Variants in PIP4K2A observed in about 807,000 individuals in gnomAD.
The protein encoded by PIP4K2A is phosphatidylinositol-5-phosphate 4-kinase type 2 alpha, also known as phosphatidylinositol 5-phosphate 4-kinase type-2 alpha.
PIP4K2A carries 14 observed loss-of-function variants against 42.9 expected under a neutral mutation model. The ratio of observed to expected loss-of-function variants is 0.33; its 90% CI spans 0.22 to 0.51. The LOEUF (loss-of-function observed/expected upper bound fraction) is 0.51, where lower values mean the gene tolerates loss of function less well. Ranked by LOEUF, PIP4K2A falls within the 20% of genes least tolerant of loss-of-function variation. The pLI is 0.97. For synonymous variants in PIP4K2A, 192 were observed against 192.2 expected (o/e 1.00, Z 0.01); for missense variants, 434 against 519.8 (o/e 0.83, Z 1.61).
At chr10:22,612,597 G>A (rs905461932) in intron 1 of PIP4K2A, among the ~76,000 whole-genome samples, 3 of 152,178 alleles carry the variant, frequency 2.0e-5, no homozygotes, top group Admixed American at 6.5e-5. Flanking sequence ...AGCAGAGGGC[G>A]GAGGCGGCAG....
At chr10:22,544,329 G>C (rs1259382328) in intron 7 of PIP4K2A, among the ~76,000 whole-genome samples, 1 of 152,016 alleles carries the variant, frequency 6.6e-6, no homozygotes, top group Non-Finnish European at 1.5e-5. Context: ...GGTGGGGGTG[G>C]GGGTGCTTAT....
intron 1 of PIP4K2A, among the ~76,000 whole-genome samples, chr10:22,641,389 T>C (rs1213844465): frequency 6.6e-6 from 1 of 152,218 alleles, no homozygotes; most frequent in Non-Finnish European, 1.5e-5. Flanking sequence ...GAGTGAATTT[T>C]TGTTCTGTTA....
chr10:22,544,917 G>A (rs1836224845), intron 7 of PIP4K2A, among the ~76,000 whole-genome samples: 1 of 152,212 alleles, frequency 6.6e-6, no homozygotes, highest in African/African-American at 2.4e-5. Flanking sequence ...CAGCCCCAGA[G>A]TCTGGGTGTT....
chr10:22,671,622 G>C (rs1350009620), intron 1 of PIP4K2A, among the ~76,000 whole-genome samples: 1 of 151,942 alleles, frequency 6.6e-6, no homozygotes, highest in East Asian at 1.9e-4. Flanking sequence ...GAGGCAAAGG[G>C]GTACAACCAG....
chr10:22,655,713 A>G (rs1357233637), intron 1 of PIP4K2A, among the ~76,000 whole-genome samples: 1 of 152,204 alleles, frequency 6.6e-6, no homozygotes, highest in Non-Finnish European at 1.5e-5. Context: ...AAATGTAAAC[A>G]TGACTGGATG....
intron 1 of PIP4K2A, among the ~76,000 whole-genome samples, chr10:22,643,762 C>G (rs1363578052): frequency 6.6e-6 from 1 of 152,116 alleles, no homozygotes; most frequent in Non-Finnish European, 1.5e-5. Context: ...AACCACAGAA[C>G]CAGAAGATGG....
At chr10:22,693,947 C>A (rs1209570381) in intron 1 of PIP4K2A, 1 of 152,082 alleles carries the variant, frequency 6.6e-6, no homozygotes, top group Non-Finnish European at 1.5e-5. Flanking sequence ...ATTTACACAC[C>A]TTATCTGAGT....
At chr10:22,708,059 G>A (rs770865651) in intron 1 of PIP4K2A, among the ~76,000 whole-genome samples, 12 of 152,268 alleles carry the variant, frequency 7.9e-5, no homozygotes, top group East Asian at 7.7e-4. Flanking sequence ...AACAAATCTG[G>A]TTAGGAGTGA....
intron 6 of PIP4K2A, among the ~76,000 whole-genome samples, chr10:22,556,320 A>T (rs568635583): frequency 2.6e-5 from 4 of 152,152 alleles, no homozygotes; most frequent in Non-Finnish European, 5.9e-5. Flanking sequence ...TGTGAATGCT[A>T]CCAGCTAGAA....
chr10:22,606,523 A>G (rs948035738), intron 3 of PIP4K2A, among the ~76,000 whole-genome samples: 17 of 152,170 alleles, frequency 1.1e-4, no homozygotes, highest in African/African-American at 3.9e-4. Context: ...TGCTTTCTCC[A>G]AACATGGCAG....
At chr10:22,626,533 A>T (rs994629622) in intron 1 of PIP4K2A, among the ~76,000 whole-genome samples, 28 of 152,246 alleles carry the variant, frequency 1.8e-4, no homozygotes, top group Admixed American at 1.8e-3. Context: ...GTGCCTGAAA[A>T]TGTTTCTGAA....
At chr10:22,649,777 C>G (rs943281430) in intron 1 of PIP4K2A, among the ~76,000 whole-genome samples, 1 of 152,190 alleles carries the variant, frequency 6.6e-6, no homozygotes, top group Non-Finnish European at 1.5e-5. Context: ...TCAGTCTCCT[C>G]GCTAAATTAC....
intron 1 of PIP4K2A, among the ~76,000 whole-genome samples, chr10:22,657,708 T>G (rs1298590246): frequency 6.6e-6 from 1 of 152,242 alleles, no homozygotes; most frequent in Non-Finnish European, 1.5e-5. Flanking sequence ...AGCTTGAATT[T>G]TGGAAATGTG....
intron 1 of PIP4K2A, among the ~76,000 whole-genome samples, chr10:22,692,895 T>C (rs1422005402): frequency 2.0e-5 from 3 of 152,138 alleles, no homozygotes; most frequent in South Asian, 2.1e-4. Context: ...GACTGGAAAA[T>C]GTTCGTCAAG....
intron 1 of PIP4K2A, among the ~76,000 whole-genome samples, chr10:22,617,903 C>T (rs1220592578): frequency 6.6e-6 from 1 of 152,090 alleles, no homozygotes; most frequent in East Asian, 1.9e-4. Flanking sequence ...AATATGAGGG[C>T]CTATTTTAAA....
intron 1 of PIP4K2A, among the ~76,000 whole-genome samples, chr10:22,659,249 C>G (rs184159410): frequency 6.6e-6 from 1 of 152,198 alleles, no homozygotes; most frequent in Non-Finnish European, 1.5e-5. Context: ...ATACTCATAA[C>G]ACGTCTTTAT....
intron 1 of PIP4K2A, among the ~76,000 whole-genome samples, chr10:22,690,082 A>ACAG (rs1564468636): frequency 6.6e-6 from 1 of 152,226 alleles, no homozygotes; most frequent in Non-Finnish European, 1.5e-5. Flanking sequence ...TATTCACACT[A>ACAG]CAGCAGCAGC....
At chr10:22,567,478 G>A (rs971560783) in intron 6 of PIP4K2A, 22 of 440,118 alleles carry the variant, frequency 5.0e-5, no homozygotes, top group African/African-American at 3.2e-4. Context: ...GTCACATTCG[G>A]TTTGATATCG....
intron 1 of PIP4K2A, among the ~76,000 whole-genome samples, chr10:22,698,823 T>C (rs865853597): frequency 7.9e-5 from 12 of 152,370 alleles, no homozygotes; most frequent in East Asian, 5.8e-4. Context: ...TAATTTTTTA[T>C]ATTTGTGTGT....
Sources: gnomAD v4.1 joint callset for allele counts (sites outside exome capture counted in the v4.1 genomes callset) on GRCh38, gnomAD v4.1.1 for gene constraint, MANE v1.5 for transcripts, NCBI Gene and HGNC (gene_info 2026-07-23, HGNC 2026-07-21) for gene names.